PCDHGB6: variants seen among roughly 807,000 people sequenced by gnomAD.
PCDHGB6 encodes protocadherin gamma subfamily B, 6, also known as protocadherin gamma-B6.
Under a neutral mutation model 59.1 loss-of-function variants are expected in PCDHGB6, and 51 were observed. The observed-to-expected ratio is 0.86, with a 90% CI of 0.69 to 1.09. PCDHGB6 has a LOEUF of 1.09. Ranked by LOEUF, PCDHGB6 falls within the 50% of genes least tolerant of loss-of-function variation. PCDHGB6 has a pLI of 0.00. For missense variants in PCDHGB6, 1,148 were observed against 1,205.1 expected, an observed-to-expected ratio of 0.95 and a Z score of 0.70; for synonymous variants, 466 against 495.1, an observed-to-expected ratio of 0.94 and a Z score of 0.78.
chr5:141,490,061 A>G lies in PCDHGB6; in HGVS notation c.2419-4746A>G, dbSNP rs1562135413. On this transcript the variant is annotated intron_variant, in intron 1 of 3. Transcript: ENST00000520790. This position sits in a 1 kb window ranked among gnomAD's most constrained non-coding sequence, Gnocchi z 5.4. Reference sequence around the variant, plus strand: ...GCCACTGATCCAGACGAGGGCACCAACGGCCAACTAGACTATTCTTTTGGA... The same window carrying G: ...GCCACTGATCCAGACGAGGGCACCAGCGGCCAACTAGACTATTCTTTTGGA... 1.2e-6 allele frequency: 2 copies of G among 1,614,214 alleles called. No individual in the cohort carries two copies. Among genetic ancestry groups the G allele is most frequent in the East Asian group, 2.2e-5 (1 of 44,884 alleles).
chr5:141,485,426 C>T lies in PCDHGB6; in HGVS notation c.2419-9381C>T. 6.2e-7 allele frequency: 1 copy of T among 1,614,158 alleles called. No individual in the cohort carries two copies. Among genetic ancestry groups the T allele is most frequent in the South Asian group, 1.1e-5 (1 of 91,078 alleles). ...TGTGGATTTGGACAGCGGAGCCCTGCTCATCAAGAACCCAATCGACCGAGA... is the reference window on the plus strand; with the variant it reads ...TGTGGATTTGGACAGCGGAGCCCTGTTCATCAAGAACCCAATCGACCGAGA... On this transcript the variant is annotated intron_variant, in intron 1 of 3. Transcript: ENST00000520790. The surrounding 1 kb of genome is among the most constrained non-coding windows in gnomAD (Gnocchi z 5.7).
chr5:141,484,512 G>A (rs1178383152), intron 1 of PCDHGB6, among the ~76,000 whole-genome samples: 47 of 152,196 alleles, frequency 3.1e-4, no homozygotes, highest in Non-Finnish European at 4.0e-4. Context: ...TTCTGCAGAA[G>A]GGCAGAGTTT....
chr5:141,473,235 C>T (rs1322325327), intron 1 of PCDHGB6, among the ~76,000 whole-genome samples: 1 of 152,132 alleles, frequency 6.6e-6, no homozygotes, highest in Non-Finnish European at 1.5e-5. Flanking sequence ...TGGATCCACA[C>T]AAGTGAATAC....
At position 141,486,004 on chromosome 5, in the gene PCDHGB6, C is replaced by T; in HGVS notation, c.2419-8803C>T. The T allele has an allele frequency of 6.2e-7, 1 of 1,614,184 alleles. No homozygotes were observed. The highest frequency in any genetic ancestry group is 8.5e-7 in the Non-Finnish European group (1 of 1,180,008). The stretch of plus-strand genomic sequence containing the variant: ...CGGACCTGGGTCCCAGTGGTAACGT[C>T]ACCTTTTATTTCAGTGGTCATACCC... On this transcript the variant is annotated intron_variant, in intron 1 of 3. Coordinates refer to ENST00000520790, the MANE Select transcript of PCDHGB6 (RefSeq NM_018926.3). This position sits in a 1 kb window ranked among gnomAD's most constrained non-coding sequence, Gnocchi z 5.0.
intron 1 of PCDHGB6, chr5:141,478,247 G>A (rs1377698933): frequency 1.2e-6 from 2 of 1,614,074 alleles, no homozygotes; most frequent in Admixed American, 3.3e-5. Context: ...CACAGTGTTC[G>A]GAGTAATCAT....
At chr5:141,435,877 G>A (rs1554127514) in intron 1 of PCDHGB6, among the ~76,000 whole-genome samples, 1 of 152,092 alleles carries the variant, frequency 6.6e-6, no homozygotes, top group Non-Finnish European at 1.5e-5. Flanking sequence ...AAAAGAGATT[G>A]GAAACCCCTT....
rs1355335396 is a variant in PCDHGB6, at chr5:141,408,155, C to T, written c.-48C>T. ...TGCTCTTTTAGCGCGGTAGAGTGCA[C>T]TTTCTCCAACTGGAAAAGCGGGGAC... is the stretch of plus-strand genomic sequence containing the variant. On this transcript the variant is annotated 5_prime_UTR_variant, in exon 1 of 4. Transcript: ENST00000520790. 1.3e-6 allele frequency: 2 copies of T among 1,511,456 alleles called. No homozygotes were observed. Among genetic ancestry groups the T allele is most frequent in the Non-Finnish European group, 1.8e-6 (2 of 1,127,438 alleles). The allele number at this position is 1,511,456 out of a possible 1,614,324, so 93.6% of individuals were successfully genotyped here.
chr5:141,411,568 AG>A (rs2095500132), intron 1 of PCDHGB6: 1 of 152,232 alleles, frequency 6.6e-6, no homozygotes, highest in South Asian at 2.1e-4. Context: ...TGGGCGACAG[AG>A]TGCGACCCTG....
chr5:141,450,835 T>TA lies in PCDHGB6; in HGVS notation c.2418+40215_2418+40216insA, dbSNP rs1438371595. ...ATTTAATATTATTATTATTATTTTT[T>TA]TTTTTTTGAGATGGGGTCTTGCTCT... is the stretch of plus-strand genomic sequence containing the variant. On this transcript the variant is annotated intron_variant, in intron 1 of 3. Coordinates refer to ENST00000520790, the MANE Select transcript of PCDHGB6 (RefSeq NM_018926.3). 4.0e-3 allele frequency among the ~76,000 whole-genome samples: 570 copies of TA among 142,160 alleles called. 3 individuals are homozygous for TA. The highest frequency in any genetic ancestry group is 0.015 in the Middle Eastern group (4 of 270). The allele number at this position is 142,160 out of a possible 152,430, so 93.3% of individuals were successfully genotyped here.
Position 141,408,955 on chromosome 5 carries a change from T to G in PCDHGB6, c.753T>G (p.Leu251=). 1 of 1,613,616 alleles carries G rather than the reference T, an allele frequency of 6.2e-7. No homozygotes were observed. Among genetic ancestry groups the G allele is most frequent in the South Asian group, 1.1e-5 (1 of 91,056 alleles). The change falls in exon 1 of 4, where the codon CTT becomes CTG. Residue 251 remains leucine (L), a synonymous_variant. Coordinates refer to ENST00000520790, the MANE Select transcript of PCDHGB6 (RefSeq NM_018926.3). ...VFSRDEYRIS[L]SENLPPGSPV... ...GCAGAGACGAATATAGAATTAGTCT[T>G]AGTGAAAATCTGCCCCCTGGGTCCC... is the stretch of plus-strand genomic sequence containing the variant.
intron 1 of PCDHGB6, chr5:141,439,735 G>A (rs1317592646): frequency 1.3e-5 from 2 of 152,360 alleles, no homozygotes; most frequent in Non-Finnish European, 2.9e-5. Flanking sequence ...AGCAGGAACG[G>A]AACGGATTTA....
In PCDHGB6 at chr5:141,487,192, C is replaced by T. The variant is rs2099641028; in HGVS notation, c.2419-7615C>T. ...TAGAGGAAGACACTCATCCAGTTGT[C>T]CCAGATCTTCGAGAATCTTCAGCTC... On this transcript the variant is annotated intron_variant, in intron 1 of 3. Transcript: ENST00000520790. This position sits in a 1 kb window ranked among gnomAD's most constrained non-coding sequence, Gnocchi z 5.0. 15 of 1,613,748 alleles carry T rather than the reference C, an allele frequency of 9.3e-6. No individual in the cohort carries two copies. Among genetic ancestry groups the T allele is most frequent in the African/African-American group, 1.3e-5 (1 of 75,040 alleles).
chr5:141,485,174 A>G lies in PCDHGB6; in HGVS notation c.2419-9633A>G. 6.2e-7 allele frequency: 1 copy of G among 1,611,406 alleles called. No individual in the cohort carries two copies. The highest frequency in any genetic ancestry group is 8.5e-7 in the Non-Finnish European group (1 of 1,177,898). ...AGTAGAGAATTAGCGGGCGGCAGCA[A>G]TGCTCCGCAAGGTGAGAAGCTGGAC... On this transcript the variant is annotated intron_variant, in intron 1 of 3. Coordinates refer to ENST00000520790, the MANE Select transcript of PCDHGB6 (RefSeq NM_018926.3). The surrounding 1 kb of genome is among the most constrained non-coding windows in gnomAD (Gnocchi z 5.7).
chr5:141,439,297 G>T (rs1252051365), intron 1 of PCDHGB6, among the ~76,000 whole-genome samples: 1 of 152,064 alleles, frequency 6.6e-6, no homozygotes, highest in African/African-American at 2.4e-5. Context: ...CATGGAAAAA[G>T]TAAAGCCCAG....
chr5:141,417,034 T>C (rs1408752235), intron 1 of PCDHGB6: 1 of 151,548 alleles, frequency 6.6e-6, no homozygotes, highest in Non-Finnish European at 1.5e-5. Context: ...ACAGGTTTTT[T>C]TTTTAAAAAA....
intron 1 of PCDHGB6, chr5:141,419,090 G>T: frequency 6.2e-7 from 1 of 1,613,922 alleles, no homozygotes; most frequent in Non-Finnish European, 8.5e-7. Flanking sequence ...TGAGGCCCTG[G>T]ATCGGGAGCA....
chr5:141,421,871 C>CT, intron 1 of PCDHGB6: 1 of 1,613,756 alleles, frequency 6.2e-7, no homozygotes, highest in East Asian at 2.2e-5. Flanking sequence ...CTCCTCACAG[C>CT]TTTAGATGGA....
Position 141,485,660 on chromosome 5 carries a change from G to A in PCDHGB6, c.2419-9147G>A. On this transcript the variant is annotated intron_variant, in intron 1 of 3. Transcript: ENST00000520790. The surrounding 1 kb of genome is among the most constrained non-coding windows in gnomAD (Gnocchi z 5.7). ...GGAAAAGGCTCAGGATGCAGATGTG[G>A]GGAGCAATTCGATTAGCAGCTATAG... is the stretch of plus-strand genomic sequence containing the variant. 1 of 1,612,716 alleles carries A rather than the reference G, an allele frequency of 6.2e-7. No individual in the cohort carries two copies. Among genetic ancestry groups the A allele is most frequent in the Non-Finnish European group, 8.5e-7 (1 of 1,178,898 alleles).
In PCDHGB6 at chr5:141,505,380, A is replaced by C; in HGVS notation, c.2478-13A>C. On this transcript the variant is annotated splice_polypyrimidine_tract_variant and intron_variant, in intron 2 of 3. Coordinates refer to ENST00000520790, the MANE Select transcript of PCDHGB6 (RefSeq NM_018926.3). ...CCTGGGAGTCTGTGCTCACCATCCT[A>C]CTCTCTCCCCAGCTCCCAAAATGGC... 1 of 1,613,480 alleles carries C rather than the reference A, an allele frequency of 6.2e-7. No homozygotes were observed. Among genetic ancestry groups the C allele is most frequent in the Non-Finnish European group, 8.5e-7 (1 of 1,179,856 alleles).
Sources: allele counts gnomAD v4.1 joint callset (sites outside exome capture counted in the v4.1 genomes callset), GRCh38; gene constraint gnomAD v4.1.1; non-coding constraint Gnocchi (gnomAD v3.1); transcripts MANE v1.5; gene names NCBI Gene and HGNC (gene_info 2026-07-23, HGNC 2026-07-21).